The following RGS3 variants were observed in gnomAD, a reference collection of about 807,000 sequenced individuals.
The protein encoded by RGS3 is regulator of G protein signaling 3, also known as regulator of G-protein signalling 3.
In RGS3, 80 loss-of-function variants were observed where a neutral mutation model predicts 132.6. The ratio of observed to expected loss-of-function variants is 0.60; its 90% confidence interval spans 0.50 to 0.73. The LOEUF is 0.73. Among genes scored for constraint, RGS3 ranks in the 30% least tolerant of loss-of-function variants. RGS3 has a pLI of 0.00. For missense variants in RGS3, 1,382 were observed against 1,530.8 expected, an observed-to-expected ratio of 0.90 and a Z score of 1.62; for synonymous variants, 598 against 620.6, an observed-to-expected ratio of 0.96 and a Z score of 0.54.
intron 19 of RGS3, among the ~76,000 whole-genome samples, chr9:113,575,380 T>G (rs1834466908): frequency 6.6e-6 from 1 of 152,196 alleles, no homozygotes; most frequent in Non-Finnish European, 1.5e-5. Context: ...TGCTGTGGTG[T>G]GCCGCCCTCC....
Position 113,494,137 on chromosome 9 carries a change from TA to T in RGS3, c.690-1640del, listed in dbSNP as rs200901203. On this transcript the variant is annotated intron_variant, in intron 7 of 24. Transcript: ENST00000350696. ...AGAGAGGAGAACAGAAAGATGACAT[TA>T]AAAAAAAACTCTTACTGTCAGGATA... 2.5e-3 allele frequency among the ~76,000 whole-genome samples: 377 copies of T among 150,898 alleles called. 2 individuals carry two copies. Among genetic ancestry groups the T allele is most frequent in the African/African-American group, 8.3e-3 (340 of 41,212 alleles).
intron 1 of RGS3, among the ~76,000 whole-genome samples, chr9:113,454,719 C>T (rs1344225170): frequency 1.5e-5 from 2 of 130,952 alleles, no homozygotes; most frequent in Non-Finnish European, 3.2e-5. Context: ...TGGACAAGTA[C>T]AGCATTTAAT....
chr9:113,565,219 C>T lies in RGS3; in HGVS notation c.2038-18231C>T, dbSNP rs1489168120. The stretch of plus-strand genomic sequence containing the variant: ...GCCCCTCGCGGGGTGGGCAGAAGGA[C>T]GGGCTGGCCCAGGACCCTCTTCTTT... On this transcript the variant is annotated intron_variant, in intron 19 of 24. Coordinates refer to ENST00000350696, the Ensembl canonical transcript of RGS3. The surrounding 1 kb of genome is among the most constrained non-coding windows in gnomAD (Gnocchi z 5.7). 17 of 1,265,680 alleles carry T rather than the reference C, an allele frequency of 1.3e-5. No individual in the cohort carries two copies. The highest frequency in any genetic ancestry group is 9.8e-5 in the Admixed American group (4 of 40,702). The allele number at this position is 1,265,680 out of a possible 1,614,324, so 78.4% of individuals were successfully genotyped here.
intron 19 of RGS3, among the ~76,000 whole-genome samples, chr9:113,578,483 T>C (rs371511212): frequency 6.6e-6 from 1 of 152,130 alleles, no homozygotes; most frequent in East Asian, 1.9e-4. Flanking sequence ...ACCGCCTCCA[T>C]CCTCCTGAAT....
chr9:113,447,685 AT>A (rs1829142781), intron 1 of RGS3, among the ~76,000 whole-genome samples: 1 of 151,888 alleles, frequency 6.6e-6, no homozygotes, highest in African/African-American at 2.4e-5. Flanking sequence ...AGTTTGTGTG[AT>A]CATCTTTGAC....
chr9:113,507,642 C>G lies in RGS3; in HGVS notation c.1437+4C>G. On this transcript the variant is annotated splice_donor_region_variant and intron_variant, in intron 13 of 24. Coordinates refer to ENST00000350696, the Ensembl canonical transcript of RGS3. The surrounding 1 kb of genome is among the most constrained non-coding windows in gnomAD (Gnocchi z 5.0). ...CCCGCTGAATCCTGGGAGCCAGGTACGGACAGCTGGTGTGGGGAAGGTGAA... is the reference window on the plus strand; with the variant it reads ...CCCGCTGAATCCTGGGAGCCAGGTAGGGACAGCTGGTGTGGGGAAGGTGAA... 1 of 1,455,316 alleles carries G rather than the reference C, an allele frequency of 6.9e-7. No homozygotes were observed. Among genetic ancestry groups the G allele is most frequent in the Admixed American group, 2.7e-5 (1 of 36,914 alleles). The allele number at this position is 1,455,316 out of a possible 1,614,324, so 90.2% of individuals were successfully genotyped here.
Position 113,569,967 on chromosome 9 carries a change from C to T in RGS3, c.2038-13483C>T, listed in dbSNP as rs182723321. Among the ~76,000 whole-genome samples, 59 of 152,250 alleles carry T rather than the reference C, an allele frequency of 3.9e-4. 1 individual carries two copies. The East Asian group carries it at 0.01, about 27-fold the overall frequency. On this transcript the variant is annotated intron_variant, in intron 19 of 24. Transcript: ENST00000350696. ...CCCTCAGAGGTGTAGACATGTTTCC[C>T]GCCTATCCATGGAAATTGCTTTTGT... is the stretch of plus-strand genomic sequence containing the variant.
chr9:113,585,131 TG>T (rs1298703061), intron 20 of RGS3, among the ~76,000 whole-genome samples: 3 of 152,226 alleles, frequency 2.0e-5, no homozygotes, highest in African/African-American at 7.2e-5. Flanking sequence ...GCCACAGAAG[TG>T]TGTGAGGCTG....
exon 20 of RGS3, chr9:113,583,881 C>T: frequency 6.2e-7 from 1 of 1,614,068 alleles, no homozygotes; most frequent in Non-Finnish European, 8.5e-7. Context: ...GCCAGGTCTC[C>T]CTGCCAGCCA....
intron 16 of RGS3, among the ~76,000 whole-genome samples, chr9:113,518,935 A>T (rs559013407): frequency 6.6e-6 from 1 of 152,164 alleles, no homozygotes; most frequent in African/African-American, 2.4e-5. Context: ...AAATTCACAG[A>T]CTCATAAGAA....
intron 4 of RGS3, among the ~76,000 whole-genome samples, chr9:113,482,066 A>G (rs1830180407): frequency 6.6e-6 from 1 of 151,852 alleles, no homozygotes; most frequent in South Asian, 2.1e-4. Flanking sequence ...AAAAACAAAA[A>G]AAACAAGAAA....
rs553023716 is a variant in RGS3 at position 113,463,522 on chromosome 9, C to T, written c.415+1321C>T. Reference sequence around the variant, plus strand: ...CTGGGGCCGGGATACCCGGGGTGGCCGCACCGTCCTGCTGGCTCCTTGGGT... The same window carrying T: ...CTGGGGCCGGGATACCCGGGGTGGCTGCACCGTCCTGCTGGCTCCTTGGGT... On this transcript the variant is annotated intron_variant, in intron 3 of 24. Transcript: ENST00000350696. This position sits in a 1 kb window ranked among gnomAD's most constrained non-coding sequence, Gnocchi z 4.6. Among the ~76,000 whole-genome samples, 7 of 152,136 alleles carry T rather than the reference C, an allele frequency of 4.6e-5. No individual in the cohort carries two copies. The highest frequency in any genetic ancestry group is 7.4e-5 in the Non-Finnish European group (5 of 68,024).
At position 113,565,128 on chromosome 9, in the gene RGS3, C is replaced by T; in HGVS notation, c.2038-18322C>T. The T allele has an allele frequency of 1.7e-6, 2 of 1,177,288 alleles. No individual in the cohort carries two copies. The highest frequency in any genetic ancestry group is 2.1e-6 in the Non-Finnish European group (2 of 935,400). The allele number at this position is 1,177,288 out of a possible 1,614,324, so 72.9% of individuals were successfully genotyped here. A position where few individuals can be genotyped will look rare whatever the true frequency, so the allele number is the denominator to read the frequency against. ...GCAGCACTTTGGGGCCAGCTTGGGCCCTGGGGATGAGCCACAGGGGACCCA... is the reference window on the plus strand; with the variant it reads ...GCAGCACTTTGGGGCCAGCTTGGGCTCTGGGGATGAGCCACAGGGGACCCA... On this transcript the variant is annotated intron_variant, in intron 19 of 24. Coordinates refer to ENST00000350696, the Ensembl canonical transcript of RGS3. The surrounding 1 kb of genome is among the most constrained non-coding windows in gnomAD (Gnocchi z 5.7).
At chr9:113,561,922 G>A (rs1168008366) in intron 19 of RGS3, among the ~76,000 whole-genome samples, 1 of 152,162 alleles carries the variant, frequency 6.6e-6, no homozygotes, top group East Asian at 1.9e-4. Context: ...AATAGGAGGT[G>A]GGTCCCTGCT....
intron 19 of RGS3, among the ~76,000 whole-genome samples, chr9:113,556,172 A>T (rs186209149): frequency 6.6e-6 from 1 of 152,300 alleles, no homozygotes; most frequent in Admixed American, 6.5e-5. Context: ...AAATTTATTT[A>T]TGGAAACAAC....
Position 113,595,773 on chromosome 9 carries a change from C to T in RGS3, c.3411+8C>T. The T allele has an allele frequency of 6.2e-7, 1 of 1,612,872 alleles. No homozygotes were observed. The highest frequency in any genetic ancestry group is 1.3e-5 in the African/African-American group (1 of 75,030). ...ATCCAGGCATGCAAGGAGGTAGGAC[C>T]TCAGGGCAGACCCTCCGCTCCTCCA... is the stretch of plus-strand genomic sequence containing the variant. On this transcript the variant is annotated splice_region_variant and intron_variant, in intron 24 of 24. Transcript: ENST00000350696.
chr9:113,493,393 G>A (rs1203771365), intron 7 of RGS3, among the ~76,000 whole-genome samples: 3 of 152,228 alleles, frequency 2.0e-5, no homozygotes, highest in Non-Finnish European at 4.4e-5. Flanking sequence ...CAAGGCTGAA[G>A]GAGCTGGGAG....
chr9:113,592,404 T>C (rs899698778), intron 21 of RGS3: 1 of 152,044 alleles, frequency 6.6e-6, no homozygotes, highest in Non-Finnish European at 1.5e-5. Flanking sequence ...AAGCAGTGTG[T>C]GGCGCAGAGG....
chr9:113,523,010 C>T (rs765932012), exon 17 of RGS3: 1 of 1,613,928 alleles, frequency 6.2e-7, no homozygotes, highest in South Asian at 1.1e-5. Context: ...TGAGGAACCC[C>T]CTCTACCTCC....
Sources: allele counts gnomAD v4.1 joint callset (sites outside exome capture counted in the v4.1 genomes callset), GRCh38; gene constraint gnomAD v4.1.1; non-coding constraint Gnocchi (gnomAD v3.1); transcripts MANE v1.5; gene names NCBI Gene and HGNC (gene_info 2026-07-23, HGNC 2026-07-21).